RELA: variants seen among roughly 807,000 people sequenced by gnomAD.
The protein encoded by RELA is RELA proto-oncogene, NF-kB subunit.
Under a neutral mutation model 56.7 loss-of-function variants are expected in RELA, and 14 were observed. That is an observed-to-expected ratio of 0.25 (90% CI 0.16 to 0.39). RELA has a LOEUF of 0.39. Ranked by LOEUF, RELA falls within the 10% of genes least tolerant of loss-of-function variation. The probability of loss-of-function intolerance (pLI) is 1.00; values close to 1 mark genes in which losing one functional copy is unlikely to be tolerated. For synonymous variants in RELA, 315 were observed against 289.7 expected, an observed-to-expected ratio of 1.09 and a Z score of -0.89; for missense variants, 559 against 736.4, an observed-to-expected ratio of 0.76 and a Z score of 2.79.
In RELA at chr11:65,654,059, A is replaced by C; in HGVS notation, c.*319T>G. The C allele has an allele frequency of 2.4e-6, 1 of 416,252 alleles. No individual in the cohort carries two copies. Among genetic ancestry groups the C allele is most frequent in the South Asian group, 2.1e-5 (1 of 47,392 alleles). The allele number at this position is 416,252 out of a possible 1,614,324, so 25.8% of individuals were successfully genotyped here. On this transcript the variant is annotated 3_prime_UTR_variant, in exon 11 of 11. Coordinates refer to ENST00000406246, the MANE Select transcript of RELA (RefSeq NM_021975.4). ...AGCCTGCTTCTGTCTCTAGGAGAGTACCAGAAGCTGGAGGATGGGGATGGG... is the reference window on the plus strand; with the variant it reads ...AGCCTGCTTCTGTCTCTAGGAGAGTCCCAGAAGCTGGAGGATGGGGATGGG...
At chr11:65,659,383 T>C (rs1008914444) in intron 6 of RELA, among the ~76,000 whole-genome samples, 1 of 152,178 alleles carries the variant, frequency 6.6e-6, no homozygotes, top group African/African-American at 2.4e-5. Context: ...ATTATCGCAG[T>C]TGTGGGCACA....
chr11:65,654,263 A>G lies in RELA; in HGVS notation c.*115T>C. On this transcript the variant is annotated 3_prime_UTR_variant, in exon 11 of 11. Coordinates refer to ENST00000406246, the MANE Select transcript of RELA (RefSeq NM_021975.4). ...AAAATATGGCTCCCCCCTCCAAGGA[A>G]GACATCCACAAAGTTGGGGGCAGTT... 1 of 1,277,398 alleles carries G rather than the reference A, an allele frequency of 7.8e-7. No individual in the cohort carries two copies. The highest frequency in any genetic ancestry group is 1.1e-6 in the Non-Finnish European group (1 of 885,452). 79.1% of individuals were successfully genotyped at this position (1,277,398 alleles called of 1,614,324 possible).
In RELA at chr11:65,654,366, G is replaced by A. The variant is rs1856360461; in HGVS notation, c.*12C>T. 1 of 1,613,816 alleles carries A rather than the reference G, an allele frequency of 6.2e-7. No individual in the cohort carries two copies. Among genetic ancestry groups the A allele is most frequent in the Non-Finnish European group, 8.5e-7 (1 of 1,179,948 alleles). Reference sequence around the variant, plus strand: ...GCAACCCAGTGCTCTGGGGAGGGCAGGCGTCACCCCCTTAGGAGCTGATCT... The same window carrying A: ...GCAACCCAGTGCTCTGGGGAGGGCAAGCGTCACCCCCTTAGGAGCTGATCT... On this transcript the variant is annotated 3_prime_UTR_variant, in exon 11 of 11. Coordinates refer to ENST00000406246, the MANE Select transcript of RELA (RefSeq NM_021975.4).
At chr11:65,659,204 C>T (rs1856502500) in intron 6 of RELA, among the ~76,000 whole-genome samples, 1 of 152,204 alleles carries the variant, frequency 6.6e-6, no homozygotes, top group Non-Finnish European at 1.5e-5. Flanking sequence ...CCAGTTTATC[C>T]TGGTTTCCCA....
rs1487526171 is a variant in RELA, at chr11:65,658,402, G to A, written c.762C>T (p.Thr254=). Residue 254 remains threonine (T), a synonymous_variant, in exon 8 of 11, where the codon ACC becomes ACT. Coordinates refer to ENST00000406246, the MANE Select transcript of RELA (RefSeq NM_021975.4). The surrounding 1 kb of genome is among the most constrained non-coding windows in gnomAD (Gnocchi z 4.5). Reference sequence around the variant, plus strand: ...GCAGGCTGGGGTCTGCGTAGGGAGGGGTCCGGAACACAATGGCCACTTGTC... The same window carrying A: ...GCAGGCTGGGGTCTGCGTAGGGAGGAGTCCGGAACACAATGGCCACTTGTC... ...VHRQVAIVFR[T]PPYADPSLQA... is the part of the protein sequence containing the mutation. 6.2e-7 allele frequency: 1 copy of A among 1,613,864 alleles called. No homozygotes were observed. Among genetic ancestry groups the A allele is most frequent in the African/African-American group, 1.3e-5 (1 of 74,936 alleles).
intron 4 of RELA, among the ~76,000 whole-genome samples, chr11:65,660,963 C>T (rs989698331): frequency 1.3e-5 from 2 of 151,156 alleles, no homozygotes; most frequent in South Asian, 2.1e-4. Flanking sequence ...GGCATGAACC[C>T]GGAAGGTGGA....
At position 65,654,531 on chromosome 11, in the gene RELA, A is replaced by G. The variant is rs1473685318; in HGVS notation, c.1503T>C (p.Thr501=). The change falls in exon 11 of 11, where the codon ACT becomes ACC. Residue 501 remains threonine (T), a synonymous_variant. Coordinates refer to ENST00000406246, the MANE Select transcript of RELA (RefSeq NM_021975.4). ...PMLMEYPEAI[T]RLVTGAQRPP... ...GCCTCTGGGCCCCTGTCACTAGGCG[A>G]GTTATAGCCTCAGGGTACTCCATCA... 1 of 1,603,312 alleles carries G rather than the reference A, an allele frequency of 6.2e-7. No individual in the cohort carries two copies. The highest frequency in any genetic ancestry group is 1.7e-5 in the Admixed American group (1 of 58,944).
In RELA at chr11:65,658,144, G is replaced by C; in HGVS notation, c.877+143C>G. On this transcript the variant is annotated intron_variant, in intron 8 of 10. Coordinates refer to ENST00000406246, the MANE Select transcript of RELA (RefSeq NM_021975.4). This position sits in a 1 kb window ranked among gnomAD's most constrained non-coding sequence, Gnocchi z 4.5. ...TGAGGTATCATTATTATTAAATGAGGCAAGAAATGGATTCCAGTTTCTTGG... is the reference window on the plus strand; with the variant it reads ...TGAGGTATCATTATTATTAAATGAGCCAAGAAATGGATTCCAGTTTCTTGG... The C allele has an allele frequency of 1.6e-6, 1 of 611,794 alleles. No individual in the cohort carries two copies. Among genetic ancestry groups the C allele is most frequent in the Non-Finnish European group, 2.9e-6 (1 of 347,566 alleles). 37.9% of individuals were successfully genotyped at this position (611,794 alleles called of 1,614,324 possible). A position where few individuals can be genotyped will look rare whatever the true frequency, so the allele number is the denominator to read the frequency against.
In RELA at chr11:65,654,311, G is replaced by GT. The variant is rs773458502; in HGVS notation, c.*66dup. 1 of 1,604,808 alleles carries GT rather than the reference G, an allele frequency of 6.2e-7. No individual in the cohort carries two copies. On this transcript the variant is annotated 3_prime_UTR_variant, in exon 11 of 11. Transcript: ENST00000406246. The stretch of plus-strand genomic sequence containing the variant: ...GTTGGAACACACCCCACCAGAATCC[G>GT]TAAGTGCTTTTGGAGGGCTTCAATC...
At position 65,658,763 on chromosome 11, in the gene RELA, G is replaced by T; in HGVS notation, c.619C>A (p.Leu207Ile). ...AGTAGGAAGATCTCATCCCCACCGA[G>T]GCAGCTGCCAGAGTTTCGGTTCACT... ...CRVNRNSGSC[L>I]GGDEIFLLCD... The change falls in exon 7 of 11, where the codon CTC becomes ATC. Residue 207 changes from leucine (L) to isoleucine (I), a missense_variant. Physicochemically the swap from Leu to Ile is conservative, Grantham distance 5. Around this residue, in one of 4 missense-constraint regions of RELA, gnomAD observed 149 missense variants for 256.0 expected, o/e 0.58. Coordinates refer to ENST00000406246, the MANE Select transcript of RELA (RefSeq NM_021975.4). The surrounding 1 kb of genome is among the most constrained non-coding windows in gnomAD (Gnocchi z 4.5). 6.2e-7 allele frequency: 1 copy of T among 1,614,144 alleles called. No homozygotes were observed. Among genetic ancestry groups the T allele is most frequent in the Non-Finnish European group, 8.5e-7 (1 of 1,180,032 alleles).
At chr11:65,662,366 G>A (rs1856593276) in intron 1 of RELA, 161 bp from the exon 2 acceptor site, 4 of 798,214 alleles carry the variant, frequency 5.0e-6, no homozygotes, top group South Asian at 5.1e-5. Flanking sequence ...TGGAGGAAAG[G>A]AACCAGAAAC....
rs765033710 is a variant in RELA, at chr11:65,658,457, C to T, written c.707G>A (p.Arg236Gln). Residue 236 changes from arginine to glutamine, a missense_variant, in exon 8 of 11, where the codon CGA becomes CAA. Physicochemically the swap from Arg to Gln is conservative, Grantham distance 43. Transcript: ENST00000406246. The surrounding 1 kb of genome is among the most constrained non-coding windows in gnomAD (Gnocchi z 4.5). ...CACATCAGCTTGCGAAAAGGAGCCTCGGGCCTCCCAGCCTGGTCCCGTGAA... is the reference window on the plus strand; with the variant it reads ...CACATCAGCTTGCGAAAAGGAGCCTTGGGCCTCCCAGCCTGGTCCCGTGAA... ...VYFTGPGWEA[R>Q]GSFSQADVHR... 1.9e-6 allele frequency: 3 copies of T among 1,612,570 alleles called. No individual in the cohort carries two copies. Among genetic ancestry groups the T allele is most frequent in the Admixed American group, 1.7e-5 (1 of 59,938 alleles).
At chr11:65,660,493 T>TGGACACTCATTCC in intron 4 of RELA, 6 of 491,386 alleles carry the variant, frequency 1.2e-5, no homozygotes, top group South Asian at 2.7e-5. Flanking sequence ...CATTCCCACC[T>TGGACACTCATTCC]CAAGGCCTTT....
At chr11:65,655,210 A>G (rs1856392421) in intron 10 of RELA, 1 of 588,464 alleles carries the variant, frequency 1.7e-6, no homozygotes, top group Admixed American at 3.2e-5. Flanking sequence ...CTCCCTGACT[A>G]CTCAAGCCCA....
chr11:65,654,234 GAATAA>G lies in RELA; in HGVS notation c.*139_*143del, dbSNP rs1222697506. ...AGAGATACAGATACTGACAATAAAAGAATAAAATATGGCTCCCCCCTCCAAGGAAG... is the reference window on the plus strand; with the variant it reads ...AGAGATACAGATACTGACAATAAAAGAATATGGCTCCCCCCTCCAAGGAAG... On this transcript the variant is annotated 3_prime_UTR_variant, in exon 11 of 11. Transcript: ENST00000406246. 5.6e-5 allele frequency: 55 copies of G among 979,462 alleles called. No homozygotes were observed. Among genetic ancestry groups the G allele is most frequent in the Non-Finnish European group, 7.7e-5 (48 of 626,418 alleles). The allele number at this position is 979,462 out of a possible 1,614,324, so 60.7% of individuals were successfully genotyped here. A position where few individuals can be genotyped will look rare whatever the true frequency, so the allele number is the denominator to read the frequency against.
At chr11:65,656,494 G>T (rs1304011922) in intron 8 of RELA, among the ~76,000 whole-genome samples, 1 of 152,154 alleles carries the variant, frequency 6.6e-6, no homozygotes, top group Non-Finnish European at 1.5e-5. Context: ...TCTTTCTCCT[G>T]CATTCCCTGA....
At position 65,662,869 on chromosome 11, in the gene RELA, G is replaced by A. The variant is rs1856609743; in HGVS notation, c.-37C>T. On this transcript the variant is annotated 5_prime_UTR_variant, in exon 1 of 11. Transcript: ENST00000406246. Reference sequence around the variant, plus strand: ...CGGGGGCGGGGCCGGGGTCGCAGCTGGGCCCGCGGCGTGCACTACAGACGA... The same window carrying A: ...CGGGGGCGGGGCCGGGGTCGCAGCTAGGCCCGCGGCGTGCACTACAGACGA... 1 of 1,188,272 alleles carries A rather than the reference G, an allele frequency of 8.4e-7. No individual in the cohort carries two copies. Among genetic ancestry groups the A allele is most frequent in the African/African-American group, 1.6e-5 (1 of 62,638 alleles). 73.6% of individuals were successfully genotyped at this position (1,188,272 alleles called of 1,614,324 possible).
Position 65,662,891 on chromosome 11 carries a change from A to T in RELA, c.-59T>A. On this transcript the variant is annotated 5_prime_UTR_variant, in exon 1 of 11. Transcript: ENST00000406246. The stretch of plus-strand genomic sequence containing the variant: ...GCTGGGCCCGCGGCGTGCACTACAG[A>T]CGAGCCATTCGCCAGAGGCGGAAAT... The T allele has an allele frequency of 5.1e-6, 6 of 1,174,248 alleles. No individual in the cohort carries two copies. Among genetic ancestry groups the T allele is most frequent in the Non-Finnish European group, 6.3e-6 (6 of 948,858 alleles). 72.7% of individuals were successfully genotyped at this position (1,174,248 alleles called of 1,614,324 possible). A position where few individuals can be genotyped will look rare whatever the true frequency, so the allele number is the denominator to read the frequency against.
At position 65,654,574 on chromosome 11, in the gene RELA, T is replaced by TG; in HGVS notation, c.1459dup (p.His487ProfsTer4). 1.2e-6 allele frequency: 2 copies of TG among 1,613,530 alleles called. No individual in the cohort carries two copies. The highest frequency in any genetic ancestry group is 1.3e-5 in the African/African-American group (1 of 75,024). ...CTCCATCAGCATGGGCTCAGTTGTGTGGGGGGCCACAGGTATGCCCTGGTT... is the reference window on the plus strand; with the variant it reads ...CTCCATCAGCATGGGCTCAGTTGTGTGGGGGGGCCACAGGTATGCCCTGGTT... On this transcript the variant is annotated frameshift_variant, in exon 11 of 11. Transcript: ENST00000406246. LOFTEE classifies it high-confidence loss of function.
Sources: gnomAD v4.1 joint callset for allele counts (sites outside exome capture counted in the v4.1 genomes callset) on GRCh38, gnomAD v4.1.1 for gene constraint, gnomAD v4.1.1 regional missense constraint, Gnocchi (gnomAD v3.1) non-coding constraint, MANE v1.5 for transcripts, NCBI Gene and HGNC (gene_info 2026-07-23, HGNC 2026-07-21) for gene names.